The following NME8 variants were observed in gnomAD, a reference collection of about 807,000 sequenced individuals.
NME8 encodes protein NME8.
Under a neutral mutation model 82.3 loss-of-function variants are expected in NME8, and 72 were observed. That is an observed-to-expected ratio of 0.87 (90% confidence interval 0.72 to 1.06). The LOEUF is 1.06. Among genes scored for constraint, NME8 ranks in the 50% least tolerant of loss-of-function variants. The probability of loss-of-function intolerance (pLI) is 0.00; values close to 1 mark genes in which losing one functional copy is unlikely to be tolerated. For synonymous variants in NME8, 267 were observed against 228.5 expected (o/e 1.17, Z -1.52); for missense variants, 712 against 685.4 (o/e 1.04, Z -0.43).
At chr7:37,849,715 A>G (rs1322916100) in intron 2 of NME8, among the ~76,000 whole-genome samples, 1 of 151,958 alleles carries the variant, frequency 6.6e-6, no homozygotes, top group East Asian at 1.9e-4. Context: ...TAAAAATACA[A>G]AAAAAATTAG....
chr7:37,872,419 C>A (rs78381531), intron 11 of NME8, among the ~76,000 whole-genome samples: 9,099 of 151,940 alleles, frequency 0.06, 373 homozygotes, highest in East Asian at 0.12. Flanking sequence ...AAAGGAAGGC[C>A]TGTACAAAAA....
At chr7:37,849,778 G>A (rs1274490803) in intron 2 of NME8, among the ~76,000 whole-genome samples, 1 of 151,362 alleles carries the variant, frequency 6.6e-6, no homozygotes, top group Non-Finnish European at 1.5e-5. Context: ...GGCTGAGGCA[G>A]GAGAATCGCT....
intron 11 of NME8, among the ~76,000 whole-genome samples, chr7:37,869,870 G>C (rs950702669): frequency 6.6e-6 from 1 of 152,038 alleles, no homozygotes. Flanking sequence ...CAATCTCTCT[G>C]ACTTGCCCCA....
intron 12 of NME8, among the ~76,000 whole-genome samples, chr7:37,883,175 T>C (rs934434715): frequency 2.6e-5 from 4 of 152,202 alleles, no homozygotes; most frequent in Non-Finnish European, 5.9e-5. Flanking sequence ...CCTGAGCTTT[T>C]ATCGTGAGTC....
intron 12 of NME8, among the ~76,000 whole-genome samples, chr7:37,877,863 T>C (rs2722345): frequency 0.47 from 72,015 of 152,086 alleles, 17,416 homozygotes; most frequent in East Asian, 0.74. Context: ...CCAAATGCCC[T>C]TTGTAGGGCA....
chr7:37,859,760 C>A (rs1204775584), intron 6 of NME8, among the ~76,000 whole-genome samples: 1 of 152,188 alleles, frequency 6.6e-6, no homozygotes, highest in African/African-American at 2.4e-5. Flanking sequence ...AGTATCCACA[C>A]TGACAACCCG....
chr7:37,857,341 G>A lies in NME8; in HGVS notation c.266G>A (p.Ser89Asn). 6.3e-7 allele frequency: 1 copy of A among 1,599,122 alleles called. No individual in the cohort carries two copies. Among genetic ancestry groups the A allele is most frequent in the Non-Finnish European group, 8.6e-7 (1 of 1,167,120 alleles). Residue 89 changes from serine (S) to asparagine (N), a missense_variant, in exon 6 of 18, where the codon AGT (serine) becomes AAT (asparagine). Ser to Asn is a conservative substitution (Grantham distance 46). Coordinates refer to ENST00000199447, the MANE Select transcript of NME8 (RefSeq NM_016616.5). Reference protein sequence around the residue: ...RDKCEPVFLFSVNGKIIEKIQ... With the variant: ...RDKCEPVFLFNVNGKIIEKIQ... ...AAATGTGAACCTGTTTTTCTCTTTA[G>A]TGTTGTAAGTATATTTACTTTCTCA...
chr7:37,888,540 A>G (rs1785078476), intron 15 of NME8, 112 bp downstream of exon 15: 2 of 1,007,214 alleles, frequency 2.0e-6, no homozygotes, highest in African/African-American at 3.2e-5. Flanking sequence ...CCAAAAAAGA[A>G]AAGTTGCGAT....
At chr7:37,889,146 C>G (rs1583644008) in intron 15 of NME8, among the ~76,000 whole-genome samples, 1 of 151,806 alleles carries the variant, frequency 6.6e-6, no homozygotes, top group Non-Finnish European at 1.5e-5. Context: ...TTTTCTATCA[C>G]CCTTTGAGTA....
chr7:37,861,174 A>G (rs1784592421), intron 6 of NME8, among the ~76,000 whole-genome samples: 1 of 152,168 alleles, frequency 6.6e-6, no homozygotes, highest in Non-Finnish European at 1.5e-5. Flanking sequence ...TTCTGACTGC[A>G]CTTAGGATGA....
At chr7:37,858,672 A>T (rs1436545484) in intron 6 of NME8, among the ~76,000 whole-genome samples, 2 of 152,138 alleles carry the variant, frequency 1.3e-5, no homozygotes, top group African/African-American at 4.8e-5. Context: ...CTTTAGCTGC[A>T]CGTAGTGGGT....
At chr7:37,875,092 C>T (rs74966326) in intron 11 of NME8, among the ~76,000 whole-genome samples, 1 of 152,242 alleles carries the variant, frequency 6.6e-6, no homozygotes, top group East Asian at 1.9e-4. Context: ...AGTTTGAAAC[C>T]ATCCAAAATG....
At chr7:37,897,472 A>T (rs1307660540) in intron 17 of NME8, among the ~76,000 whole-genome samples, 1 of 151,894 alleles carries the variant, frequency 6.6e-6, no homozygotes. Flanking sequence ...GCTCCTTTCC[A>T]CTTCTCTGCT....
chr7:37,899,876 C>A (rs1047620919), intron 17 of NME8, among the ~76,000 whole-genome samples: 7 of 152,126 alleles, frequency 4.6e-5, no homozygotes, highest in Non-Finnish European at 7.4e-5. Flanking sequence ...CTTTACACTC[C>A]AGCCTGTCCA....
In NME8 at chr7:37,862,064, G is replaced by T. The variant is rs1784604633; in HGVS notation, c.307G>T (p.Ala103Ser). 54 of 1,613,586 alleles carry T rather than the reference G, an allele frequency of 3.3e-5. No homozygotes were observed. Among genetic ancestry groups the T allele is most frequent in the Non-Finnish European group, 4.5e-5 (53 of 1,179,760 alleles). The change falls in exon 7 of 18, where the codon GCA becomes TCA. Residue 103 changes from alanine (A) to serine (S), a missense_variant. By Grantham distance (99) the Ala-to-Ser change is moderately conservative (BLOSUM62 1). Transcript: ENST00000199447. Reference protein sequence around the residue: ...KIIEKIQGANAPLVNKKVINL... With the variant: ...KIIEKIQGANSPLVNKKVINL... ...TATCGAAAAGATTCAGGGTGCAAAT[G>T]CACCGCTTGTTAATAAAAAAGTTAT...
At chr7:37,892,326 G>C (rs1785141664) in intron 15 of NME8, among the ~76,000 whole-genome samples, 3 of 150,546 alleles carry the variant, frequency 2.0e-5, no homozygotes. Context: ...TATTAGTTCT[G>C]TTCCATTGTT....
At chr7:37,852,866 T>C (rs1784456168) in intron 5 of NME8, among the ~76,000 whole-genome samples, 1 of 152,206 alleles carries the variant, frequency 6.6e-6, no homozygotes, top group Non-Finnish European at 1.5e-5. Flanking sequence ...GGAGTAAGAT[T>C]GCTGGATCAT....
At chr7:37,874,785 T>G (rs1432631639) in intron 11 of NME8, among the ~76,000 whole-genome samples, 11 of 152,182 alleles carry the variant, frequency 7.2e-5, no homozygotes, top group African/African-American at 2.7e-4. Flanking sequence ...ATATTAATGA[T>G]GTGCACAAGA....
intron 15 of NME8, among the ~76,000 whole-genome samples, chr7:37,892,888 G>T (rs2598007): frequency 0.45 from 68,370 of 151,692 alleles, 15,849 homozygotes; most frequent in East Asian, 0.73. Context: ...CTGCTGGCTT[G>T]CTTTCTTCCT....
Sources: allele counts gnomAD v4.1 joint callset (sites outside exome capture counted in the v4.1 genomes callset), GRCh38; gene constraint gnomAD v4.1.1; transcripts MANE v1.5; gene names NCBI Gene and HGNC (gene_info 2026-07-23, HGNC 2026-07-21).